The following IQGAP2 variants were observed in gnomAD, a reference collection of about 807,000 sequenced individuals.
IQGAP2 encodes IQ motif containing GTPase activating protein 2, also known as ras GTPase-activating-like protein IQGAP2.
A neutral mutation model predicts 201.3 loss-of-function variants in IQGAP2; 173 were observed. The observed-to-expected ratio is 0.86, with a 90% CI of 0.76 to 0.98. The LOEUF (loss-of-function observed/expected upper bound fraction) is 0.98, where lower values mean the gene tolerates loss of function less well. IQGAP2 is among the 50% of genes least tolerant of loss of function. The probability of loss-of-function intolerance (pLI) is 0.00; values close to 1 mark genes in which losing one functional copy is unlikely to be tolerated. For missense variants in IQGAP2, 1,687 were observed against 1,864.8 expected, an observed-to-expected ratio of 0.90 and a Z score of 1.76; for synonymous variants, 675 against 673.9, an observed-to-expected ratio of 1.00 and a Z score of -0.03.
At chr5:76,701,387 C>T (rs1025917986) in intron 34 of IQGAP2, among the ~76,000 whole-genome samples, 174 bp downstream of exon 34, 2 of 152,206 alleles carry the variant, frequency 1.3e-5, no homozygotes, top group East Asian at 1.9e-4. Flanking sequence ...CTGGTGCTGT[C>T]AGTCATATGT....
intron 11 of IQGAP2, among the ~76,000 whole-genome samples, chr5:76,602,547 G>A (rs1391944339): frequency 7.9e-5 from 12 of 151,962 alleles, no homozygotes; most frequent in African/African-American, 1.9e-4. Context: ...CTCACAGTTC[G>A]AGTGTTCTGT....
At chr5:76,686,296 G>GTTT (rs59286743) in intron 30 of IQGAP2, among the ~76,000 whole-genome samples, 2 of 130,252 alleles carry the variant, frequency 1.5e-5, no homozygotes, top group African/African-American at 2.8e-5. Flanking sequence ...CCGCACAAAT[G>GTTT]TTTTTTTTTT....
At position 76,403,467 on chromosome 5, in the gene IQGAP2, G is replaced by A. The variant is rs1351717529; in HGVS notation, c.-79G>A. On this transcript the variant is annotated 5_prime_UTR_variant, in exon 1 of 36. Coordinates refer to ENST00000274364, the MANE Select transcript of IQGAP2 (RefSeq NM_006633.5). This position sits in a 1 kb window ranked among gnomAD's most constrained non-coding sequence, Gnocchi z 4.8. ...GAGGCGGGATCCGAGCGCGCCGGCG[G>A]GGCGCAGAGCCCGCGAGCCTGGCCA... 3.2e-5 allele frequency: 36 copies of A among 1,138,500 alleles called. No homozygotes were observed. The highest frequency in any genetic ancestry group is 4.2e-5 in the Admixed American group (1 of 23,646). The allele number at this position is 1,138,500 out of a possible 1,614,324, so 70.5% of individuals were successfully genotyped here.
Position 76,548,658 on chromosome 5 carries a change from A to G in IQGAP2, c.147-13738A>G, listed in dbSNP as rs78868083. 5.6e-3 allele frequency among the ~76,000 whole-genome samples: 848 copies of G among 152,256 alleles called. 7 individuals carry two copies. Among genetic ancestry groups the G allele is most frequent in the East Asian group, 0.018 (94 of 5,180 alleles). ...TCTCTGAGCCTCTTCTTCCTTCTCT[A>G]TTAAAGGGGAGTGATATCAATCTCA... On this transcript the variant is annotated intron_variant, in intron 2 of 35. Transcript: ENST00000274364.
chr5:76,407,322 CTAAG>C (rs1750853483), intron 1 of IQGAP2, among the ~76,000 whole-genome samples: 1 of 152,124 alleles, frequency 6.6e-6, no homozygotes, highest in Non-Finnish European at 1.5e-5. Flanking sequence ...AGTGAAGTTA[CTAAG>C]TTAGTTACCT....
intron 1 of IQGAP2, among the ~76,000 whole-genome samples, chr5:76,425,058 A>G (rs1451996310): frequency 6.6e-6 from 1 of 152,212 alleles, no homozygotes; most frequent in Non-Finnish European, 1.5e-5. Context: ...CTGAGGAGGC[A>G]TTCACAGTCA....
At chr5:76,432,557 C>T (rs1486689101) in intron 1 of IQGAP2, among the ~76,000 whole-genome samples, 1 of 152,210 alleles carries the variant, frequency 6.6e-6, no homozygotes, top group Non-Finnish European at 1.5e-5. Flanking sequence ...CAGTCCTCTA[C>T]TTACTTCCTG....
intron 2 of IQGAP2, among the ~76,000 whole-genome samples, chr5:76,519,086 A>G (rs568732021): frequency 1.7e-3 from 253 of 152,284 alleles, no homozygotes; most frequent in African/African-American, 5.8e-3. Flanking sequence ...AAGTTTACAT[A>G]CATGAATTCA....
chr5:76,482,235 A>C lies in IQGAP2; in HGVS notation c.146+20566A>C, dbSNP rs771580454. ...TTGCAGGAAGAGCTTGTAGAGAAGAAATGGTGATTCCAGCCACCTCAGCCT... is the reference window on the plus strand; with the variant it reads ...TTGCAGGAAGAGCTTGTAGAGAAGACATGGTGATTCCAGCCACCTCAGCCT... On this transcript the variant is annotated intron_variant, in intron 2 of 35. Coordinates refer to ENST00000274364, the MANE Select transcript of IQGAP2 (RefSeq NM_006633.5). Among the ~76,000 whole-genome samples the C allele has an allele frequency of 3.2e-4, 49 of 152,222 alleles. 1 individual carries two copies. Among genetic ancestry groups the C allele is most frequent in the South Asian group, 1.2e-3 (6 of 4,828 alleles).
At chr5:76,459,203 T>C (rs1189983227) in intron 1 of IQGAP2, among the ~76,000 whole-genome samples, 4 of 152,196 alleles carry the variant, frequency 2.6e-5, no homozygotes, top group African/African-American at 7.2e-5. Flanking sequence ...GCAGCTGTCC[T>C]GGGCTGGTAC....
intron 2 of IQGAP2, among the ~76,000 whole-genome samples, chr5:76,559,993 A>T (rs140088773): frequency 0.011 from 1,617 of 152,194 alleles, 43 homozygotes; most frequent in African/African-American, 0.038. Context: ...GAATTTTCTT[A>T]CTTTTTTTGT....
Position 76,641,109 on chromosome 5 carries a change from T to C in IQGAP2, c.2094+6T>C, listed in dbSNP as rs1370732486. 2 of 1,587,782 alleles carry C rather than the reference T, an allele frequency of 1.3e-6. No homozygotes were observed. Among genetic ancestry groups the C allele is most frequent in the South Asian group, 1.1e-5 (1 of 89,674 alleles). On this transcript the variant is annotated splice_donor_region_variant and intron_variant, in intron 17 of 35. Coordinates refer to ENST00000274364, the MANE Select transcript of IQGAP2 (RefSeq NM_006633.5). ...AGAATGTGGTCAAAATACAGGTATGTGGATCACCTGCCACTGTTTACACAA... is the reference window on the plus strand; with the variant it reads ...AGAATGTGGTCAAAATACAGGTATGCGGATCACCTGCCACTGTTTACACAA...
chr5:76,641,930 A>G (rs1174906018), intron 17 of IQGAP2, among the ~76,000 whole-genome samples: 1 of 152,220 alleles, frequency 6.6e-6, no homozygotes, highest in Non-Finnish European at 1.5e-5. Flanking sequence ...CCAAGGCAGA[A>G]AATGAATTTT....
At chr5:76,426,720 C>G (rs763489541) in intron 1 of IQGAP2, among the ~76,000 whole-genome samples, 12 of 152,148 alleles carry the variant, frequency 7.9e-5, no homozygotes, top group South Asian at 2.1e-4. Context: ...CACTAAGGCC[C>G]CTTCCAGCTC....
At chr5:76,549,642 C>G (rs1743314225) in intron 2 of IQGAP2, among the ~76,000 whole-genome samples, 1 of 152,042 alleles carries the variant, frequency 6.6e-6, no homozygotes, top group Non-Finnish European at 1.5e-5. Flanking sequence ...AATCCAAGAG[C>G]AAGGTGTCAA....
intron 15 of IQGAP2, among the ~76,000 whole-genome samples, chr5:76,636,072 C>T (rs576222304): frequency 2.6e-5 from 4 of 152,232 alleles, no homozygotes; most frequent in Admixed American, 6.5e-5. Flanking sequence ...CCAAATGAAG[C>T]ATCAACACAT....
In IQGAP2 at chr5:76,600,943, A is replaced by C; in HGVS notation, c.1203A>C (p.Leu401Phe). Residue 401 changes from leucine (L) to phenylalanine (F), a missense_variant, in exon 11 of 36, where the codon TTA becomes TTC. Transcript: ENST00000274364. ...AACTCAGAAGCCCCGCAATAGGCTTAAACAATCTGGACAAGGCATATGTGG... is the reference window on the plus strand; with the variant it reads ...AACTCAGAAGCCCCGCAATAGGCTTCAACAATCTGGACAAGGCATATGTGG... ...QNQLRSPAIG[L>F]NNLDKAYVER... The C allele has an allele frequency of 1.2e-6, 2 of 1,614,134 alleles. No homozygotes were observed. The highest frequency in any genetic ancestry group is 1.7e-5 in the Admixed American group (1 of 60,006).
chr5:76,417,811 A>C (rs1371835018), intron 1 of IQGAP2, among the ~76,000 whole-genome samples: 2 of 151,250 alleles, frequency 1.3e-5, no homozygotes, highest in Non-Finnish European at 2.9e-5. Context: ...TGAACTCCTG[A>C]GCTCAAGTGA....
In IQGAP2 at chr5:76,562,431, C is replaced by G. The variant is rs1561465393; in HGVS notation, c.182C>G (p.Pro61Arg). ...MEVCLVEELP[P>R]TTELEEGLRN... is the part of the protein sequence containing the mutation. ...GTTTGCTTAGTTGAAGAATTGCCAC[C>G]AACCACTGAATTGGAAGAAGGGCTC... is the stretch of plus-strand genomic sequence containing the variant. Residue 61 changes from proline to arginine, a missense_variant, in exon 3 of 36, where the codon CCA becomes CGA. Pro to Arg is a moderately radical substitution (Grantham distance 103). Coordinates refer to ENST00000274364, the MANE Select transcript of IQGAP2 (RefSeq NM_006633.5). 6.2e-7 allele frequency: 1 copy of G among 1,613,502 alleles called. No homozygotes were observed.
Sources: gnomAD v4.1 joint callset for allele counts (sites outside exome capture counted in the v4.1 genomes callset) on GRCh38, gnomAD v4.1.1 for gene constraint, Gnocchi (gnomAD v3.1) non-coding constraint, MANE v1.5 for transcripts, NCBI Gene and HGNC (gene_info 2026-07-23, HGNC 2026-07-21) for gene names.